ZNF713: variants seen among roughly 807,000 people sequenced by gnomAD.
ZNF713 encodes zinc finger protein 713.
A neutral mutation model predicts 28.7 loss-of-function variants in ZNF713; 21 were observed. That is an observed-to-expected ratio of 0.73 (90% CI 0.52 to 1.05). ZNF713 has a LOEUF of 1.05. Among genes scored for constraint, ZNF713 ranks in the 50% least tolerant of loss-of-function variants. ZNF713 has a pLI of 0.00. For missense variants in ZNF713, 458 were observed against 532.4 expected, an observed-to-expected ratio of 0.86 and a Z score of 1.37; for synonymous variants, 167 against 178.0, an observed-to-expected ratio of 0.94 and a Z score of 0.49.
In ZNF713 at chr7:55,918,653, A is replaced by G. The variant is rs1044225557; in HGVS notation, c.88-4509A>G. Reference sequence around the variant, plus strand: ...GGAGAATGTTATTAGAAGCTGGAGGATAGAGGACCCTCGAAGAAGAAATGT... The same window carrying G: ...GGAGAATGTTATTAGAAGCTGGAGGGTAGAGGACCCTCGAAGAAGAAATGT... On this transcript the variant is annotated intron_variant, in intron 4 of 6. Transcript: ENST00000429591. Among the ~76,000 whole-genome samples, 10 of 152,318 alleles carry G rather than the reference A, an allele frequency of 6.6e-5. No individual in the cohort carries two copies. In the South Asian group the frequency reaches 1.9e-3, roughly 28 times the overall value.
chr7:55,923,272 G>C lies in ZNF713; in HGVS notation c.198G>C (p.Arg66Ser). Residue 66 changes from arginine to serine, a missense_variant, in exon 5 of 7, where the codon AGG (arginine) becomes AGC (serine). Transcript: ENST00000429591. ...GAGACGTGATGCTGGAGAACTACAGGAATCTAGTTGCACTGGGTGAGGATG... is the reference window on the plus strand; with the variant it reads ...GAGACGTGATGCTGGAGAACTACAGCAATCTAGTTGCACTGGGTGAGGATG... ...LYRDVMLENY[R>S]NLVALGYQLC... is the part of the protein sequence containing the mutation. The C allele has an allele frequency of 6.2e-7, 1 of 1,612,722 alleles. No homozygotes were observed. The highest frequency in any genetic ancestry group is 1.1e-5 in the South Asian group (1 of 90,818).
rs1256491623 is a variant in ZNF713 at position 55,941,662 on chromosome 7, AG to A, written c.*1657del. 1 of 152,136 alleles carries A rather than the reference AG, an allele frequency of 6.6e-6. No individual in the cohort carries two copies. Among genetic ancestry groups the A allele is most frequent in the Non-Finnish European group, 1.5e-5 (1 of 68,032 alleles). The allele number at this position is 152,136 out of a possible 1,614,324, so 9.4% of individuals were successfully genotyped here. On this transcript the variant is annotated 3_prime_UTR_variant, in exon 7 of 7. Transcript: ENST00000429591. ...AGCCTTCTCCTAGGAAATACTATTT[AG>A]CATATAAAATAAGTTATATGCTAGT...
intron 4 of ZNF713, among the ~76,000 whole-genome samples, chr7:55,917,260 GAA>G (rs138528824): frequency 7.2e-6 from 1 of 139,848 alleles, no homozygotes; most frequent in African/African-American, 2.6e-5. Flanking sequence ...CATCTGCATG[GAA>G]AAAAAAAAAC....
At position 55,923,570 on chromosome 7, in the gene ZNF713, T is replaced by G. The variant is rs374353079; in HGVS notation, c.215-37T>G. The G allele has an allele frequency of 1.5e-4, 222 of 1,529,282 alleles. 1 individual carries two copies. Among genetic ancestry groups the G allele is most frequent in the Non-Finnish European group, 1.9e-4 (210 of 1,123,044 alleles). 94.7% of individuals were successfully genotyped at this position (1,529,282 alleles called of 1,614,324 possible). A position where few individuals can be genotyped will look rare whatever the true frequency, so the allele number is the denominator to read the frequency against. On this transcript the variant is annotated intron_variant, in intron 5 of 6. Coordinates refer to ENST00000429591, the MANE Select transcript of ZNF713 (RefSeq NM_182633.3). ...GTGTGTCTGAGAATTTTGTTCCCAG[T>G]ACAAACTCCTAAGATGTATGTTACT...
intron 4 of ZNF713, among the ~76,000 whole-genome samples, chr7:55,921,033 A>G (rs909479279): frequency 6.6e-6 from 1 of 152,162 alleles, no homozygotes; most frequent in Non-Finnish European, 1.5e-5. Context: ...GCCAATGTTC[A>G]TATTATTCTA....
At chr7:55,892,555 C>CAAAAAAAAAAAAAA (rs56338467) in intron 1 of ZNF713, among the ~76,000 whole-genome samples, 8 of 74,378 alleles carry the variant, frequency 1.1e-4, no homozygotes, top group Non-Finnish European at 1.6e-4. Context: ...AAGCACTGAC[C>CAAAAAAAAAAAAAA]AAAAAAAAAA....
At chr7:55,906,585 G>C (rs1484315211) in intron 2 of ZNF713, among the ~76,000 whole-genome samples, 4 of 152,060 alleles carry the variant, frequency 2.6e-5, no homozygotes, top group African/African-American at 9.7e-5. Flanking sequence ...AGGTTTTTCT[G>C]CTTCTGCCTC....
intron 2 of ZNF713, among the ~76,000 whole-genome samples, chr7:55,909,876 A>T (rs369819081): frequency 2.6e-5 from 4 of 152,214 alleles, no homozygotes; most frequent in African/African-American, 9.6e-5. Flanking sequence ...CTTGAACGTT[A>T]AAAGTATATT....
chr7:55,917,214 A>AAAAC (rs137934016), intron 4 of ZNF713, among the ~76,000 whole-genome samples: 8 of 150,484 alleles, frequency 5.3e-5, no homozygotes, highest in South Asian at 2.1e-4. Context: ...ACTCTGCCTC[A>AAAAC]AAACAAACAA....
chr7:55,907,031 C>T (rs376053203), intron 2 of ZNF713, among the ~76,000 whole-genome samples: 47 of 152,274 alleles, frequency 3.1e-4, no homozygotes, highest in African/African-American at 1.0e-3. Context: ...TAGGTTATAA[C>T]GTTTTCTGGA....
intron 1 of ZNF713, among the ~76,000 whole-genome samples, chr7:55,890,356 A>G (rs2116154635): frequency 6.6e-6 from 1 of 151,560 alleles, no homozygotes; most frequent in African/African-American, 2.4e-5. Flanking sequence ...AAGCTGAGGC[A>G]GGAGAATTGC....
At chr7:55,919,793 TC>T (rs746491219) in intron 4 of ZNF713, among the ~76,000 whole-genome samples, 21 of 152,240 alleles carry the variant, frequency 1.4e-4, no homozygotes, top group Non-Finnish European at 2.8e-4. Flanking sequence ...TTCATCCAGA[TC>T]AAGAAACAGA....
intron 6 of ZNF713, among the ~76,000 whole-genome samples, chr7:55,928,151 C>T (rs1287553413): frequency 3.3e-5 from 5 of 152,054 alleles, no homozygotes; most frequent in Non-Finnish European, 7.4e-5. Flanking sequence ...TTACAAGAGT[C>T]AGTGGAAGCT....
chr7:55,896,518 CTA>C (rs1013847186), intron 1 of ZNF713, among the ~76,000 whole-genome samples: 14 of 151,474 alleles, frequency 9.2e-5, no homozygotes, highest in Non-Finnish European at 1.8e-4. Context: ...AAAGGGAAGA[CTA>C]AAATGAACCT....
intron 1 of ZNF713, among the ~76,000 whole-genome samples, chr7:55,893,544 CTGGCTT>C (rs369401482): frequency 7.9e-5 from 12 of 152,194 alleles, no homozygotes; most frequent in African/African-American, 2.2e-4. Context: ...GGTTTTATGA[CTGGCTT>C]TGGAGAAAAA....
intron 1 of ZNF713, among the ~76,000 whole-genome samples, chr7:55,894,826 CTT>C (rs1409847876): frequency 6.7e-6 from 1 of 149,372 alleles, no homozygotes; most frequent in Non-Finnish European, 1.5e-5. Flanking sequence ...AATGTTTTGA[CTT>C]TTGTTTTCTG....
rs777729446 is a variant in ZNF713 at position 55,912,618 on chromosome 7, G to C, written c.-2-17G>C. On this transcript the variant is annotated splice_polypyrimidine_tract_variant and intron_variant, in intron 3 of 6. Transcript: ENST00000429591. ...CCTTCGTGTCATATATTAACAAGAT[G>C]CTTCTCTTTTTCCTAGTTATGCCTT... is the stretch of plus-strand genomic sequence containing the variant. 4 of 1,571,054 alleles carry C rather than the reference G, an allele frequency of 2.5e-6. No individual in the cohort carries two copies. Among genetic ancestry groups the C allele is most frequent in the Middle Eastern group, 1.7e-4 (1 of 5,900 alleles).
intron 1 of ZNF713, among the ~76,000 whole-genome samples, chr7:55,891,033 C>G (rs1364471521): frequency 6.6e-6 from 1 of 151,652 alleles, no homozygotes. Flanking sequence ...AGGAGTGTGC[C>G]TACTCCCACA....
chr7:55,935,462 TTAAAAC>T (rs1323055128), intron 6 of ZNF713, among the ~76,000 whole-genome samples: 2 of 152,092 alleles, frequency 1.3e-5, no homozygotes, highest in African/African-American at 2.4e-5. Flanking sequence ...TAAAAATAAA[TTAAAAC>T]TATATATGTA....
Sources: allele counts gnomAD v4.1 joint callset (sites outside exome capture counted in the v4.1 genomes callset), GRCh38; gene constraint gnomAD v4.1.1; transcripts MANE v1.5; gene names NCBI Gene and HGNC (gene_info 2026-07-23, HGNC 2026-07-21).